Variants in LRRC7 observed in about 807,000 individuals in gnomAD.
The protein encoded by LRRC7 is leucine-rich repeat-containing protein 7.
LRRC7 carries 23 observed loss-of-function variants against 175.7 expected under a neutral mutation model. The observed-to-expected ratio is 0.13, with a 90% CI of 0.09 to 0.19. The LOEUF is 0.19. Among genes scored for constraint, LRRC7 ranks in the 10% least tolerant of loss-of-function variants. LRRC7 has a pLI of 1.00. For synonymous variants in LRRC7, 685 were observed against 680.9 expected (o/e 1.01, Z -0.09); for missense variants, 1,354 against 1,904.7 (o/e 0.71, Z 5.38).
rs1557641260 is a variant in LRRC7, at chr1:69,717,834, GAAAGAAAA to G, written c.100+39359_100+39366del. 1.1e-3 allele frequency among the ~76,000 whole-genome samples: 34 copies of G among 30,238 alleles called. 2 individuals carry two copies. Among genetic ancestry groups the G allele is most frequent in the Non-Finnish European group, 1.0e-3 (18 of 17,308 alleles). The allele number at this position is 30,238 out of a possible 152,430, so 19.8% of individuals were successfully genotyped here. A position where few individuals can be genotyped will look rare whatever the true frequency, so the allele number is the denominator to read the frequency against. On this transcript the variant is annotated intron_variant, in intron 2 of 26. Coordinates refer to ENST00000651989, the MANE Select transcript of LRRC7 (RefSeq NM_001370785.2). ...AGAAAGAAAGAAAGAAAGAAAGAAAGAAAGAAAAAAGAAAGAAAGGAAAGAAAGAAAGA... is the reference window on the plus strand; with the variant it reads ...AGAAAGAAAGAAAGAAAGAAAGAAAGAAGAAAGAAAGGAAAGAAAGAAAGA...
chr1:70,063,965 C>G (rs914169113), intron 23 of LRRC7, among the ~76,000 whole-genome samples: 5 of 152,018 alleles, frequency 3.3e-5, no homozygotes, highest in African/African-American at 1.2e-4. Flanking sequence ...TGCTAAGACA[C>G]TTACACTGAA....
chr1:70,057,605 T>A (rs1175441509), intron 23 of LRRC7, among the ~76,000 whole-genome samples: 3 of 151,916 alleles, frequency 2.0e-5, no homozygotes, highest in African/African-American at 7.3e-5. Context: ...TTTTTTTTTT[T>A]TAATCTTGTC....
intron 20 of LRRC7, 39 bp downstream of exon 20, chr1:70,036,663 AT>A (rs1320174118): frequency 2.6e-6 from 4 of 1,550,552 alleles, no homozygotes; most frequent in Non-Finnish European, 3.5e-6. Context: ...CCAAACGTTT[AT>A]TTTCAGCAAC....
At chr1:69,750,700 T>A (rs2100895491) in intron 2 of LRRC7, among the ~76,000 whole-genome samples, 1 of 152,306 alleles carries the variant, frequency 6.6e-6, no homozygotes, top group Non-Finnish European at 1.5e-5. Flanking sequence ...TGATGTCTTA[T>A]TGCTGCATCC....
chr1:69,797,374 G>T (rs1316268899), intron 4 of LRRC7, among the ~76,000 whole-genome samples: 4 of 152,044 alleles, frequency 2.6e-5, no homozygotes, highest in African/African-American at 7.2e-5. Flanking sequence ...TTCATTTTGG[G>T]CATCACTATA....
chr1:70,012,417 T>A (rs1402126302), intron 12 of LRRC7, among the ~76,000 whole-genome samples: 5 of 151,888 alleles, frequency 3.3e-5, no homozygotes, highest in Admixed American at 6.6e-5. Context: ...GTACATTTTT[T>A]AAATTTACTT....
chr1:70,104,772 T>G (rs901112613), intron 25 of LRRC7, among the ~76,000 whole-genome samples: 1 of 152,070 alleles, frequency 6.6e-6, no homozygotes, highest in South Asian at 2.1e-4. Context: ...GACACCACAT[T>G]TGTATTCTTT....
intron 22 of LRRC7, among the ~76,000 whole-genome samples, chr1:70,050,694 T>G (rs1660680285): frequency 6.6e-6 from 1 of 152,046 alleles, no homozygotes; most frequent in Non-Finnish European, 1.5e-5. Flanking sequence ...CTTTTAGCCT[T>G]TAATAGAATT....
intron 23 of LRRC7, among the ~76,000 whole-genome samples, chr1:70,064,548 A>G (rs768239330): frequency 1.3e-5 from 2 of 151,932 alleles, no homozygotes; most frequent in South Asian, 2.1e-4. Context: ...AGAAAACATT[A>G]TAGCATAGCC....
At chr1:69,769,454 C>T (rs886575314) in intron 3 of LRRC7, among the ~76,000 whole-genome samples, 2 of 152,110 alleles carry the variant, frequency 1.3e-5, no homozygotes, top group Admixed American at 6.6e-5. Context: ...AATTTCACAC[C>T]TGATCTCATA....
At chr1:70,002,360 G>A (rs902319995) in intron 11 of LRRC7, among the ~76,000 whole-genome samples, 3 of 152,160 alleles carry the variant, frequency 2.0e-5, no homozygotes, top group Non-Finnish European at 4.4e-5. Context: ...GTCATTAATA[G>A]CTATGACATA....
chr1:69,754,829 A>T (rs550526754), intron 2 of LRRC7, among the ~76,000 whole-genome samples: 1 of 152,066 alleles, frequency 6.6e-6, no homozygotes, highest in Non-Finnish European at 1.5e-5. Context: ...GAGGGAAGTA[A>T]ATCTGCATTA....
intron 7 of LRRC7, among the ~76,000 whole-genome samples, chr1:69,846,745 C>T (rs1456774190): frequency 1.3e-5 from 2 of 151,852 alleles, no homozygotes; most frequent in African/African-American, 2.4e-5. Context: ...GAAAATAAGG[C>T]TTATTATCAT....
At chr1:69,810,818 C>T (rs939273213) in intron 4 of LRRC7, among the ~76,000 whole-genome samples, 1 of 152,148 alleles carries the variant, frequency 6.6e-6, no homozygotes, top group South Asian at 2.1e-4. Context: ...ACCATAAAAA[C>T]CCTAGAAGAA....
intron 7 of LRRC7, among the ~76,000 whole-genome samples, chr1:69,930,423 A>G (rs1306364251): frequency 6.6e-6 from 1 of 152,218 alleles, no homozygotes; most frequent in African/African-American, 2.4e-5. Flanking sequence ...TAAGATTTCA[A>G]TCAATGGTGT....
intron 16 of LRRC7, chr1:70,022,325 A>G (rs1219907519): frequency 6.6e-6 from 1 of 152,172 alleles, no homozygotes. Context: ...TGGATGATGC[A>G]TTCTATACCG....
intron 8 of LRRC7, among the ~76,000 whole-genome samples, chr1:69,955,954 C>T (rs892642936): frequency 6.6e-6 from 1 of 151,508 alleles, no homozygotes; most frequent in Non-Finnish European, 1.5e-5. Context: ...ATTAATATAC[C>T]CTGACAAACA....
intron 1 of LRRC7, among the ~76,000 whole-genome samples, chr1:69,612,271 G>T (rs1648891676): frequency 6.6e-6 from 1 of 151,882 alleles, no homozygotes; most frequent in Admixed American, 6.6e-5. Flanking sequence ...ATCAAAACTT[G>T]ATCTGATATG....
chr1:69,800,023 G>T (rs1676277941), intron 4 of LRRC7, among the ~76,000 whole-genome samples: 1 of 151,976 alleles, frequency 6.6e-6, no homozygotes. Flanking sequence ...GTATGTTTTT[G>T]TCAACTTTGT....
Sources: gnomAD v4.1 joint callset for allele counts (sites outside exome capture counted in the v4.1 genomes callset) on GRCh38, gnomAD v4.1.1 for gene constraint, MANE v1.5 for transcripts, NCBI Gene and HGNC (gene_info 2026-07-23, HGNC 2026-07-21) for gene names.